The following CACUL1 variants were observed in gnomAD, a reference collection of about 807,000 sequenced individuals.
CACUL1 encodes CDK2 associated cullin domain 1.
In CACUL1, 13 loss-of-function variants were observed where a neutral mutation model predicts 45.2. The ratio of observed to expected loss-of-function variants is 0.29; its 90% CI spans 0.19 to 0.46. The LOEUF is 0.46. CACUL1 is among the 20% of genes least tolerant of loss of function. The probability of loss-of-function intolerance (pLI) is 1.00; values close to 1 mark genes in which losing one functional copy is unlikely to be tolerated. For missense variants in CACUL1, 421 were observed against 471.4 expected (o/e 0.89, Z 0.99); for synonymous variants, 197 against 174.2 (o/e 1.13, Z -1.03).
rs1033054389 is a variant in CACUL1 at position 118,681,480 on chromosome 10, A to C, written c.*4648T>G. ...TACCCAGTCTTAGTGCATTTAGTAC[A>C]TAGTCACAACATTGAAATGACGTGA... On this transcript the variant is annotated 3_prime_UTR_variant, in exon 9 of 9. Coordinates refer to ENST00000369151, the MANE Select transcript of CACUL1 (RefSeq NM_153810.5). 1.3e-5 allele frequency: 2 copies of C among 152,236 alleles called. No individual in the cohort carries two copies. The highest frequency in any genetic ancestry group is 4.8e-5 in the African/African-American group (2 of 41,444). 9.4% of individuals were successfully genotyped at this position (152,236 alleles called of 1,614,324 possible). A position where few individuals can be genotyped will look rare whatever the true frequency, so the allele number is the denominator to read the frequency against.
At chr10:118,713,605 T>C (rs571063413) in intron 3 of CACUL1, among the ~76,000 whole-genome samples, 2 of 152,370 alleles carry the variant, frequency 1.3e-5, no homozygotes, top group African/African-American at 4.8e-5. Context: ...TAATGAGTAA[T>C]GTATTCATCT....
intron 5 of CACUL1, among the ~76,000 whole-genome samples, chr10:118,697,649 G>A (rs1411097845): frequency 1.3e-5 from 2 of 152,134 alleles, no homozygotes; most frequent in Non-Finnish European, 1.5e-5. Context: ...AAATACTCTT[G>A]GCTTCAAAAA....
chr10:118,729,239 C>T, intron 3 of CACUL1, 56 bp downstream of exon 3: 1 of 1,169,168 alleles, frequency 8.6e-7, no homozygotes, highest in East Asian at 2.4e-5. Context: ...GAAAAGCTAA[C>T]TGCAACCAGT....
intron 3 of CACUL1, among the ~76,000 whole-genome samples, chr10:118,724,525 GT>G (rs912815889): frequency 1.3e-5 from 2 of 151,954 alleles, no homozygotes; most frequent in Admixed American, 6.6e-5. Context: ...AACCACTCAA[GT>G]TTTTTTTACA....
intron 3 of CACUL1, among the ~76,000 whole-genome samples, chr10:118,717,880 G>A (rs1056195367): frequency 1.3e-5 from 2 of 152,108 alleles, no homozygotes; most frequent in African/African-American, 2.4e-5. Context: ...AAGATGTGCC[G>A]GGCTTAGTAA....
intron 3 of CACUL1, among the ~76,000 whole-genome samples, chr10:118,727,589 A>G (rs2119637184): frequency 6.6e-6 from 1 of 152,334 alleles, no homozygotes. Context: ...GCAACTTGAT[A>G]CAACTTCTGT....
rs1001162868 is a variant in CACUL1 at position 118,681,764 on chromosome 10, G to A, written c.*4364C>T. The A allele has an allele frequency of 2.0e-5, 3 of 152,236 alleles. No individual in the cohort carries two copies. Among genetic ancestry groups the A allele is most frequent in the South Asian group, 2.1e-4 (1 of 4,828 alleles). 9.4% of individuals were successfully genotyped at this position (152,236 alleles called of 1,614,324 possible). On this transcript the variant is annotated 3_prime_UTR_variant, in exon 9 of 9. Transcript: ENST00000369151. ...AACAGTACACATATTCATGCCACTC[G>A]GCTCTGAAAAGAGGTTCAAGGTGGG...
At chr10:118,717,384 T>A (rs1171598310) in intron 3 of CACUL1, among the ~76,000 whole-genome samples, 1 of 152,206 alleles carries the variant, frequency 6.6e-6, no homozygotes, top group Non-Finnish European at 1.5e-5. Context: ...GCTTCTTGAC[T>A]AGTATCAAAT....
At chr10:118,745,670 T>G (rs535769454) in intron 1 of CACUL1, among the ~76,000 whole-genome samples, 2 of 152,178 alleles carry the variant, frequency 1.3e-5, no homozygotes, top group Non-Finnish European at 2.9e-5. Flanking sequence ...TATTGGTAAC[T>G]ACATTAAACA....
chr10:118,751,852 G>T (rs982620094), intron 1 of CACUL1, among the ~76,000 whole-genome samples: 1 of 152,144 alleles, frequency 6.6e-6, no homozygotes, highest in African/African-American at 2.4e-5. Flanking sequence ...TTATCCTCTA[G>T]TTTCTTTTTC....
At position 118,730,276 on chromosome 10, in the gene CACUL1, T is replaced by C. The variant is rs755334690; in HGVS notation, c.494+8A>G. ...TTTCAAACCCAAGCAAATTAAATCT[T>C]AACTTACCTGTATATCTGTTCATAG... On this transcript the variant is annotated splice_region_variant and intron_variant, in intron 2 of 8. Coordinates refer to ENST00000369151, the MANE Select transcript of CACUL1 (RefSeq NM_153810.5). The C allele has an allele frequency of 2.9e-5, 47 of 1,613,390 alleles. No homozygotes were observed. The highest frequency in any genetic ancestry group is 4.0e-5 in the African/African-American group (3 of 74,934).
rs143739327 is a variant in CACUL1, at chr10:118,676,668, ACT to A, written c.*9458_*9459del. On this transcript the variant is annotated 3_prime_UTR_variant, in exon 9 of 9. Coordinates refer to ENST00000369151, the MANE Select transcript of CACUL1 (RefSeq NM_153810.5). Reference sequence around the variant, plus strand: ...AAAATGACAAGCATTTTTAATCATGACTCTCTCTAAAAGAACATTTTTTTAGA... The same window carrying A: ...AAAATGACAAGCATTTTTAATCATGACTCTCTAAAAGAACATTTTTTTAGA... 3 of 152,156 alleles carry A rather than the reference ACT, an allele frequency of 2.0e-5. No individual in the cohort carries two copies. The highest frequency in any genetic ancestry group is 1.3e-4 in the Admixed American group (2 of 15,278). The allele number at this position is 152,156 out of a possible 1,614,324, so 9.4% of individuals were successfully genotyped here. A position where few individuals can be genotyped will look rare whatever the true frequency, so the allele number is the denominator to read the frequency against.
At chr10:118,740,165 CAA>C (rs1262513732) in intron 1 of CACUL1, among the ~76,000 whole-genome samples, 5 of 151,346 alleles carry the variant, frequency 3.3e-5, no homozygotes, top group Non-Finnish European at 7.4e-5. Context: ...AACAAACAAA[CAA>C]AAAGAGTAAG....
Position 118,691,256 on chromosome 10 carries a change from A to G in CACUL1, c.1025+9T>C. ...TATTTGACCACTAAAGGAAAAAAAA[A>G]CAACTTGCCTTGTAAAACCATTCTG... On this transcript the variant is annotated intron_variant, in intron 7 of 8. Coordinates refer to ENST00000369151, the MANE Select transcript of CACUL1 (RefSeq NM_153810.5). The G allele has an allele frequency of 6.2e-7, 1 of 1,606,982 alleles. No homozygotes were observed. Among genetic ancestry groups the G allele is most frequent in the Non-Finnish European group, 8.5e-7 (1 of 1,177,474 alleles).
chr10:118,743,495 G>A (rs1014062210), intron 1 of CACUL1, among the ~76,000 whole-genome samples: 6 of 152,084 alleles, frequency 3.9e-5, no homozygotes, highest in South Asian at 2.1e-4. Context: ...CAATAAGGCC[G>A]GGTGCAGTGG....
At chr10:118,753,189 A>G (rs1476729668) in intron 1 of CACUL1, among the ~76,000 whole-genome samples, 1 of 152,232 alleles carries the variant, frequency 6.6e-6, no homozygotes, top group Non-Finnish European at 1.5e-5. Context: ...CAAACTATAC[A>G]ATATAAACAT....
Position 118,685,350 on chromosome 10 carries a change from C to CG in CACUL1, c.*777_*778insC, listed in dbSNP as rs1554893676. The CG allele has an allele frequency of 2.0e-5, 3 of 152,596 alleles. No homozygotes were observed. The highest frequency in any genetic ancestry group is 6.5e-5 in the Admixed American group (1 of 15,272). 9.5% of individuals were successfully genotyped at this position (152,596 alleles called of 1,614,324 possible). The stretch of plus-strand genomic sequence containing the variant: ...GGTCCCCAACATTAATATGAATATG[C>CG]TCTGGTGAACCAGGGGAAAATCCGA... On this transcript the variant is annotated 3_prime_UTR_variant, in exon 9 of 9. Transcript: ENST00000369151.
Position 118,683,406 on chromosome 10 carries a change from A to AG in CACUL1, c.*2721_*2722insC, listed in dbSNP as rs1845173919. 1 of 151,534 alleles carries AG rather than the reference A, an allele frequency of 6.6e-6. No homozygotes were observed. The highest frequency in any genetic ancestry group is 6.6e-5 in the Admixed American group (1 of 15,200). 9.4% of individuals were successfully genotyped at this position (151,534 alleles called of 1,614,324 possible). On this transcript the variant is annotated 3_prime_UTR_variant, in exon 9 of 9. Coordinates refer to ENST00000369151, the MANE Select transcript of CACUL1 (RefSeq NM_153810.5). ...CAAGAATACAAAAAAAAAAAAAAAA[A>AG]AGGCCAGGTGCAGTGGCTCACACCT...
At chr10:118,692,157 A>G (rs1845278099) in intron 6 of CACUL1, among the ~76,000 whole-genome samples, 1 of 152,174 alleles carries the variant, frequency 6.6e-6, no homozygotes, top group Non-Finnish European at 1.5e-5. Context: ...GAGGCAGCAC[A>G]AAAGGTAGGA....
Sources: allele counts gnomAD v4.1 joint callset (sites outside exome capture counted in the v4.1 genomes callset), GRCh38; gene constraint gnomAD v4.1.1; transcripts MANE v1.5; gene names NCBI Gene and HGNC (gene_info 2026-07-23, HGNC 2026-07-21).